The following CNTN5 variants were observed in gnomAD, a reference collection of about 807,000 sequenced individuals.
CNTN5 encodes the protein contactin-5.
In CNTN5, 77 loss-of-function variants were observed where a neutral mutation model predicts 129.1. The ratio of observed to expected loss-of-function variants is 0.60; its 90% confidence interval spans 0.50 to 0.72. CNTN5 has a LOEUF of 0.72. Ranked by LOEUF, CNTN5 falls within the 30% of genes least tolerant of loss-of-function variation. The pLI is 0.00. For missense variants in CNTN5, 1,478 were observed against 1,328.8 expected (o/e 1.11, Z -1.75); for synonymous variants, 509 against 465.6 (o/e 1.09, Z -1.20).
rs574893363 is a variant in CNTN5 at position 99,987,004 on chromosome 11, T to C, written c.878-15030T>C. 3.9e-5 allele frequency among the ~76,000 whole-genome samples: 6 copies of C among 152,244 alleles called. No homozygotes were observed. The South Asian group carries it at 1.2e-3, about 32-fold the overall frequency. ...AAAATGTGTTTTATTTTTTAAAATATCCCAATAATTTAAAACAAAATATAG... is the reference window on the plus strand; with the variant it reads ...AAAATGTGTTTTATTTTTTAAAATACCCCAATAATTTAAAACAAAATATAG... On this transcript the variant is annotated intron_variant, in intron 8 of 24. Coordinates refer to ENST00000524871, the MANE Select transcript of CNTN5 (RefSeq NM_014361.4).
In CNTN5 at chr11:99,706,771, C is replaced by G. The variant is rs368564292; in HGVS notation, c.56-112773C>G. Among the ~76,000 whole-genome samples the G allele has an allele frequency of 4.2e-3, 635 of 150,224 alleles. 6 individuals are homozygous for G. The highest frequency in any genetic ancestry group is 0.013 in the African/African-American group (551 of 41,090). ...GACTTCTACACTCTACTTAACTGACCTTTTTAATGACCAAAAGACAGAGGT... is the reference window on the plus strand; with the variant it reads ...GACTTCTACACTCTACTTAACTGACGTTTTTAATGACCAAAAGACAGAGGT... On this transcript the variant is annotated intron_variant, in intron 3 of 24. Coordinates refer to ENST00000524871, the MANE Select transcript of CNTN5 (RefSeq NM_014361.4).
At chr11:100,317,092 T>A (rs1951586152) in intron 21 of CNTN5, among the ~76,000 whole-genome samples, 1 of 152,226 alleles carries the variant, frequency 6.6e-6, no homozygotes, top group Non-Finnish European at 1.5e-5. Flanking sequence ...TTGATTGCAC[T>A]GAAAGGACAG....
chr11:99,482,985 C>A (rs1193867750), intron 2 of CNTN5, among the ~76,000 whole-genome samples: 2 of 151,626 alleles, frequency 1.3e-5, no homozygotes, highest in African/African-American at 2.4e-5. Context: ...GCCATCTTGG[C>A]CAATATGGTT....
intron 1 of CNTN5, among the ~76,000 whole-genome samples, chr11:99,245,818 C>A (rs971240819): frequency 6.6e-6 from 1 of 152,084 alleles, no homozygotes; most frequent in Non-Finnish European, 1.5e-5. Context: ...GACTGTCTTG[C>A]GTATCACAAT....
At chr11:99,454,344 C>A (rs1230128924) in intron 2 of CNTN5, among the ~76,000 whole-genome samples, 4 of 152,180 alleles carry the variant, frequency 2.6e-5, no homozygotes, top group Admixed American at 2.6e-4. Context: ...CCGTAATCCA[C>A]ATGGGTCAAG....
intron 13 of CNTN5, among the ~76,000 whole-genome samples, chr11:100,151,874 T>C (rs1014126927): frequency 2.0e-5 from 3 of 152,192 alleles, no homozygotes; most frequent in African/African-American, 7.2e-5. Flanking sequence ...GTATAGTATG[T>C]CTTTATTCCT....
At chr11:99,382,845 C>CATTTTTTTTTTTTT (rs1417732458) in intron 2 of CNTN5, among the ~76,000 whole-genome samples, 1 of 77,030 alleles carries the variant, frequency 1.3e-5, no homozygotes, top group African/African-American at 6.2e-5. Flanking sequence ...CTCTAAATAA[C>CATTTTTTTTTTTTT]TTTTTTTTTT....
intron 9 of CNTN5, among the ~76,000 whole-genome samples, chr11:100,046,823 T>A (rs891548263): frequency 1.3e-5 from 2 of 152,200 alleles, no homozygotes; most frequent in Non-Finnish European, 2.9e-5. Flanking sequence ...TGTCATATAT[T>A]GGATAACAGG....
At chr11:99,732,544 G>A (rs1372361197) in intron 3 of CNTN5, among the ~76,000 whole-genome samples, 1 of 152,172 alleles carries the variant, frequency 6.6e-6, no homozygotes, top group East Asian at 1.9e-4. Flanking sequence ...AATATTCCAT[G>A]AGAGAGGTGA....
At chr11:99,594,680 GC>G (rs1445907918) in intron 3 of CNTN5, among the ~76,000 whole-genome samples, 2 of 152,164 alleles carry the variant, frequency 1.3e-5, no homozygotes, top group African/African-American at 2.4e-5. Context: ...CATCAGGTTT[GC>G]CCAGCACAAA....
chr11:99,476,084 C>CG (rs985564259), intron 2 of CNTN5, among the ~76,000 whole-genome samples: 16 of 151,102 alleles, frequency 1.1e-4, no homozygotes, highest in Admixed American at 7.3e-4. Flanking sequence ...TCTTTTTTCC[C>CG]CCAAAGAAAG....
intron 6 of CNTN5, among the ~76,000 whole-genome samples, chr11:99,882,257 C>A (rs2135862919): frequency 6.6e-6 from 1 of 152,264 alleles, no homozygotes; most frequent in Middle Eastern, 3.4e-3. Flanking sequence ...TCTTGTGAAG[C>A]TCTCCTGTTA....
chr11:99,576,560 A>G (rs1018984475), intron 3 of CNTN5, among the ~76,000 whole-genome samples: 9 of 152,200 alleles, frequency 5.9e-5, no homozygotes, highest in African/African-American at 2.2e-4. Context: ...AGAAAAAGGC[A>G]ACCCTTCAGT....
At chr11:99,869,622 T>A (rs1362449299) in intron 6 of CNTN5, among the ~76,000 whole-genome samples, 2 of 152,098 alleles carry the variant, frequency 1.3e-5, no homozygotes, top group Non-Finnish European at 2.9e-5. Context: ...AACATACTCA[T>A]TTCTTCAGAT....
chr11:99,966,990 A>C (rs1951111628), intron 8 of CNTN5, among the ~76,000 whole-genome samples: 1 of 152,140 alleles, frequency 6.6e-6, no homozygotes, highest in African/African-American at 2.4e-5. Context: ...TTACTTTGGT[A>C]ACCCCTAATA....
intron 3 of CNTN5, among the ~76,000 whole-genome samples, chr11:99,614,097 C>G (rs1304124165): frequency 6.6e-6 from 1 of 152,132 alleles, no homozygotes; most frequent in African/African-American, 2.4e-5. Context: ...TCAAAATAAA[C>G]TTGAAAGTGG....
intron 3 of CNTN5, among the ~76,000 whole-genome samples, chr11:99,809,322 A>C (rs1946362829): frequency 6.6e-6 from 1 of 152,164 alleles, no homozygotes; most frequent in African/African-American, 2.4e-5. Context: ...CATGATTATA[A>C]AGTGATCTCC....
At chr11:99,719,797 AG>A (rs1335415003) in intron 3 of CNTN5, among the ~76,000 whole-genome samples, 1 of 152,118 alleles carries the variant, frequency 6.6e-6, no homozygotes, top group Admixed American at 6.5e-5. Flanking sequence ...CTAATTGAAA[AG>A]AAAAGAGAGA....
intron 3 of CNTN5, among the ~76,000 whole-genome samples, chr11:99,738,842 T>TA (rs1446662205): frequency 6.6e-6 from 1 of 152,188 alleles, no homozygotes; most frequent in Non-Finnish European, 1.5e-5. Context: ...GGTGGCTTTT[T>TA]AAAAAATGTA....
Sources: gnomAD v4.1 joint callset for allele counts (sites outside exome capture counted in the v4.1 genomes callset) on GRCh38, gnomAD v4.1.1 for gene constraint, MANE v1.5 for transcripts, NCBI Gene and HGNC (gene_info 2026-07-23, HGNC 2026-07-21) for gene names.